The following ARMC9 variants were observed in gnomAD, a reference collection of about 807,000 sequenced individuals.
The protein encoded by ARMC9 is armadillo repeat containing 9, also known as lisH domain-containing protein ARMC9.
In ARMC9, 94 loss-of-function variants were observed where a neutral mutation model predicts 107.0. The observed-to-expected ratio is 0.88, with a 90% CI of 0.74 to 1.04. The LOEUF (loss-of-function observed/expected upper bound fraction) is 1.04. ARMC9 is among the 50% of genes least tolerant of loss of function. The pLI is 0.00. For missense variants in ARMC9, 942 were observed against 1,030.1 expected (o/e 0.91, Z 1.17); for synonymous variants, 380 against 396.9 (o/e 0.96, Z 0.51).
At chr2:231,311,940 C>T (rs1035348698) in intron 19 of ARMC9, among the ~76,000 whole-genome samples, 1 of 152,028 alleles carries the variant, frequency 6.6e-6, no homozygotes, top group Non-Finnish European at 1.5e-5. Context: ...CACCACCCAC[C>T]CCCTCAAGTT....
intron 21 of ARMC9, among the ~76,000 whole-genome samples, chr2:231,349,174 A>T (rs2044936864): frequency 6.6e-6 from 1 of 152,238 alleles, no homozygotes; most frequent in South Asian, 2.1e-4. Flanking sequence ...AAGATTTGGA[A>T]GTAGCCTCAG....
intron 19 of ARMC9, among the ~76,000 whole-genome samples, chr2:231,308,059 C>T (rs1359982677): frequency 6.6e-6 from 1 of 152,158 alleles, no homozygotes; most frequent in Non-Finnish European, 1.5e-5. Flanking sequence ...TGGAGCCAGA[C>T]AGTAAAGAGT....
At chr2:231,286,107 A>G (rs964442817) in intron 17 of ARMC9, among the ~76,000 whole-genome samples, 1 of 151,932 alleles carries the variant, frequency 6.6e-6, no homozygotes, top group African/African-American at 2.4e-5. Flanking sequence ...CCCTGCTGGT[A>G]TTTGGTTTTT....
At chr2:231,301,920 A>G (rs1197044423) in intron 19 of ARMC9, among the ~76,000 whole-genome samples, 4 of 152,106 alleles carry the variant, frequency 2.6e-5, no homozygotes, top group African/African-American at 9.7e-5. Flanking sequence ...TGGAGGTTGC[A>G]GTGATCCAAC....
intron 19 of ARMC9, among the ~76,000 whole-genome samples, chr2:231,309,252 C>T (rs1276472303): frequency 2.0e-5 from 3 of 152,142 alleles, no homozygotes. Context: ...AAGGTGAGGG[C>T]TTGTAGACAC....
chr2:231,233,399 A>G (rs2035419473), intron 7 of ARMC9, among the ~76,000 whole-genome samples: 1 of 152,154 alleles, frequency 6.6e-6, no homozygotes. Flanking sequence ...AGGCCTGATC[A>G]TCTTTATTTG....
intron 17 of ARMC9, among the ~76,000 whole-genome samples, chr2:231,283,962 G>A (rs776900776): frequency 2.0e-5 from 3 of 152,134 alleles, no homozygotes; most frequent in East Asian, 1.9e-4. Context: ...CTAGGCTCAC[G>A]TGATCCTCCC....
chr2:231,211,756 A>G (rs1197875987), intron 3 of ARMC9, among the ~76,000 whole-genome samples: 1 of 152,116 alleles, frequency 6.6e-6, no homozygotes, highest in African/African-American at 2.4e-5. Context: ...ATCCTTGCCA[A>G]TGCTTGTTAT....
At chr2:231,227,001 T>C (rs1322555584) in intron 7 of ARMC9, among the ~76,000 whole-genome samples, 1 of 152,178 alleles carries the variant, frequency 6.6e-6, no homozygotes, top group Non-Finnish European at 1.5e-5. Flanking sequence ...TCGTCTTGCA[T>C]GTCAGGTAGC....
intron 21 of ARMC9, among the ~76,000 whole-genome samples, chr2:231,347,535 C>T (rs1385010090): frequency 6.6e-6 from 1 of 152,206 alleles, no homozygotes; most frequent in Non-Finnish European, 1.5e-5. Context: ...CTCACCTCTA[C>T]AAAGTTTGAA....
chr2:231,301,139 A>G (rs1361426420), intron 19 of ARMC9, among the ~76,000 whole-genome samples: 1 of 152,240 alleles, frequency 6.6e-6, no homozygotes, highest in South Asian at 2.1e-4. Flanking sequence ...ATGAGATAAC[A>G]TAGAGATAGA....
In ARMC9 at chr2:231,371,812, G is replaced by C. The variant is rs767436733; in HGVS notation, c.*277G>C. 1.2e-4 allele frequency: 43 copies of C among 368,946 alleles called. No homozygotes were observed. Among genetic ancestry groups the C allele is most frequent in the East Asian group, 1.0e-3 (26 of 25,610 alleles). 22.9% of individuals were successfully genotyped at this position (368,946 alleles called of 1,614,324 possible). A position where few individuals can be genotyped will look rare whatever the true frequency, so the allele number is the denominator to read the frequency against. ...ATTTCCTGCTCACCCTTCACACACA[G>C]AGGAGAGGGGTGGCTTTTGCCCGCA... On this transcript the variant is annotated 3_prime_UTR_variant, in exon 25 of 25. Coordinates refer to ENST00000611582, the MANE Select transcript of ARMC9 (RefSeq NM_001352754.2).
At position 231,347,917 on chromosome 2, in the gene ARMC9, G is replaced by A. The variant is rs562658212; in HGVS notation, c.1994+2827G>A. Among the ~76,000 whole-genome samples, 26 of 152,252 alleles carry A rather than the reference G, an allele frequency of 1.7e-4. No homozygotes were observed. The South Asian group carries it at 4.6e-3, about 27-fold the overall frequency. ...TCTGTAAGCATTTAAAAATAAGTCT[G>A]GCAACTTCCTTAAAAAATCCTTTTA... On this transcript the variant is annotated intron_variant, in intron 21 of 24. Transcript: ENST00000611582.
chr2:231,330,466 C>T (rs557903792), intron 19 of ARMC9, among the ~76,000 whole-genome samples: 83 of 152,288 alleles, frequency 5.5e-4, no homozygotes, highest in Middle Eastern at 3.4e-3. Context: ...GCTCCTCCAA[C>T]ACCACCCCAG....
Position 231,264,878 on chromosome 2 carries a change from G to A in ARMC9, c.1119+2480G>A, listed in dbSNP as rs374126876. ...TTGCAGCACTTTGGTAGGCCGAGGC[G>A]GGTGGATCAGGAGGTTAGGAGATCA... On this transcript the variant is annotated intron_variant, in intron 12 of 24. Coordinates refer to ENST00000611582, the MANE Select transcript of ARMC9 (RefSeq NM_001352754.2). 1.7e-4 allele frequency among the ~76,000 whole-genome samples: 26 copies of A among 152,126 alleles called. No homozygotes were observed. The East Asian group carries it at 2.3e-3, about 14-fold the overall frequency.
intron 1 of ARMC9, among the ~76,000 whole-genome samples, chr2:231,204,033 G>A (rs1365064557): frequency 6.6e-6 from 1 of 151,878 alleles, no homozygotes; most frequent in African/African-American, 2.4e-5. Flanking sequence ...AAAGACTTGG[G>A]GCATAGTGGC....
chr2:231,303,094 A>G (rs6747115), intron 19 of ARMC9, among the ~76,000 whole-genome samples: 2,623 of 152,316 alleles, frequency 0.017, 76 homozygotes, highest in African/African-American at 0.061. Flanking sequence ...TGATTTTCTG[A>G]TTGTTCCCTA....
chr2:231,357,937 G>A (rs771816651), intron 22 of ARMC9, among the ~76,000 whole-genome samples: 2 of 152,140 alleles, frequency 1.3e-5, no homozygotes, highest in Non-Finnish European at 2.9e-5. Context: ...CCAAGCCCCA[G>A]GTGCAGTTTC....
At chr2:231,296,595 C>T (rs1300946590) in intron 19 of ARMC9, among the ~76,000 whole-genome samples, 1 of 152,240 alleles carries the variant, frequency 6.6e-6, no homozygotes, top group African/African-American at 2.4e-5. Context: ...CTGTCTTCCT[C>T]ACCGGTGGGA....
Sources: allele counts gnomAD v4.1 joint callset (sites outside exome capture counted in the v4.1 genomes callset), GRCh38; gene constraint gnomAD v4.1.1; transcripts MANE v1.5; gene names NCBI Gene and HGNC (gene_info 2026-07-23, HGNC 2026-07-21).